PCDHA3: variants seen among roughly 807,000 people sequenced by gnomAD.
PCDHA3 encodes protocadherin alpha-3.
In PCDHA3, 41 loss-of-function variants were observed where a neutral mutation model predicts 62.2. That is an observed-to-expected ratio of 0.66 (90% CI 0.51 to 0.86). The LOEUF is 0.86. Ranked by LOEUF, PCDHA3 falls within the 40% of genes least tolerant of loss-of-function variation. The probability of loss-of-function intolerance (pLI) is 0.00; values close to 1 mark genes in which losing one functional copy is unlikely to be tolerated. For synonymous variants in PCDHA3, 640 were observed against 555.4 expected (o/e 1.15, Z -2.14); for missense variants, 1,304 against 1,241.2 (o/e 1.05, Z -0.76).
intron 1 of PCDHA3, chr5:140,805,635 A>T: frequency 2.3e-6 from 2 of 879,338 alleles, no homozygotes; most frequent in Non-Finnish European, 2.7e-6. Context: ...ATTGTGGTTT[A>T]TTTATTGGGA....
chr5:140,863,011 C>T (rs782711409), intron 1 of PCDHA3: 2 of 552,132 alleles, frequency 3.6e-6, no homozygotes, highest in Admixed American at 1.9e-5. Flanking sequence ...CCAGCTATGA[C>T]GCCTGGTTGT....
intron 1 of PCDHA3, chr5:140,836,388 CTGG>C (rs2150259594): frequency 6.8e-6 from 11 of 1,613,628 alleles, no homozygotes; most frequent in Non-Finnish European, 9.3e-6. Context: ...GCTGGTGTCG[CTGG>C]TGGAAAGCGG....
At chr5:140,850,216 A>G (rs1390676090) in intron 1 of PCDHA3, 5 of 1,593,446 alleles carry the variant, frequency 3.1e-6, no homozygotes, top group Non-Finnish European at 4.3e-6. Flanking sequence ...AGGGGCACTG[A>G]CGGCGCAGTG....
chr5:140,871,573 T>A (rs1554165748), intron 1 of PCDHA3: 1 of 1,477,842 alleles, frequency 6.8e-7, no homozygotes, highest in Non-Finnish European at 9.0e-7. Flanking sequence ...ACGGATTTTT[T>A]AAGGGAAAGT....
At chr5:140,842,099 A>G (rs1554138785) in intron 1 of PCDHA3, 1 of 1,613,876 alleles carries the variant, frequency 6.2e-7, no homozygotes, top group Non-Finnish European at 8.5e-7. Flanking sequence ...CAACGGAACA[A>G]CAGTTATCAA....
At chr5:140,934,258 A>G (rs2089731137) in intron 1 of PCDHA3, among the ~76,000 whole-genome samples, 1 of 152,140 alleles carries the variant, frequency 6.6e-6, no homozygotes, top group Non-Finnish European at 1.5e-5. Flanking sequence ...ATCAAAATTA[A>G]TAATAATCAG....
intron 1 of PCDHA3, among the ~76,000 whole-genome samples, chr5:140,960,541 C>G (rs1200507322): frequency 6.6e-6 from 1 of 151,924 alleles, no homozygotes; most frequent in African/African-American, 2.4e-5. Context: ...GAAACTGTGG[C>G]CTTCATATAG....
At chr5:140,839,656 G>A (rs2150299542) in intron 1 of PCDHA3, among the ~76,000 whole-genome samples, 4 of 152,154 alleles carry the variant, frequency 2.6e-5, no homozygotes, top group Admixed American at 1.3e-4. Context: ...CAAATTGTTT[G>A]CTACTATTTA....
intron 1 of PCDHA3, chr5:140,842,575 G>T (rs782407336): frequency 1.3e-6 from 2 of 1,509,128 alleles, no homozygotes; most frequent in East Asian, 4.6e-5. Flanking sequence ...GCGAGAGAGT[G>T]TCGGCCTATG....
intron 1 of PCDHA3, among the ~76,000 whole-genome samples, chr5:140,872,606 A>AT (rs1302987061): frequency 6.6e-6 from 1 of 151,888 alleles, no homozygotes; most frequent in Non-Finnish European, 1.5e-5. Context: ...TGAAAAAATA[A>AT]TTTTTTTTGC....
intron 1 of PCDHA3, among the ~76,000 whole-genome samples, chr5:140,900,589 C>T (rs782244593): frequency 1.5e-4 from 23 of 152,164 alleles, no homozygotes; most frequent in South Asian, 1.2e-3. Flanking sequence ...TTTCTTTACC[C>T]GTTCATCTGA....
At chr5:140,956,454 A>G (rs1276644004) in intron 1 of PCDHA3, among the ~76,000 whole-genome samples, 1 of 152,212 alleles carries the variant, frequency 6.6e-6, no homozygotes, top group African/African-American at 2.4e-5. Flanking sequence ...AATTACATTT[A>G]TTGATTTGCA....
chr5:140,824,610 G>GTTGTTTTTTT (rs1768193318), intron 1 of PCDHA3: 1 of 95,112 alleles, frequency 1.1e-5, no homozygotes, highest in African/African-American at 4.9e-5. Flanking sequence ...GCTAATTAAA[G>GTTGTTTTTTT]TTTTTTTTTT....
chr5:140,917,777 T>C (rs913092177), intron 1 of PCDHA3, among the ~76,000 whole-genome samples: 7 of 152,214 alleles, frequency 4.6e-5, no homozygotes, highest in Non-Finnish European at 1.0e-4. Context: ...ATTAGTACCA[T>C]GTTGTTTTGG....
intron 1 of PCDHA3, among the ~76,000 whole-genome samples, chr5:140,962,475 T>C (rs772721001): frequency 2.0e-5 from 3 of 152,232 alleles, no homozygotes; most frequent in Non-Finnish European, 4.4e-5. Context: ...TCTCTTTGTT[T>C]ATTCTAAGCA....
At chr5:140,895,292 C>T (rs1032250917) in intron 1 of PCDHA3, among the ~76,000 whole-genome samples, 11 of 152,044 alleles carry the variant, frequency 7.2e-5, no homozygotes, top group Non-Finnish European at 1.2e-4. Flanking sequence ...TTAGGACCTT[C>T]GATTTCCCCC....
In PCDHA3 at chr5:140,822,727, A is replaced by C. The variant is rs17844292; in HGVS notation, c.2394+19136A>C. 23 of 1,612,342 alleles carry C rather than the reference A, an allele frequency of 1.4e-5. No homozygotes were observed. In the East Asian group the frequency reaches 4.9e-4, roughly 34 times the overall value. On this transcript the variant is annotated intron_variant, in intron 1 of 3. Transcript: ENST00000522353. ...TGAAGACTATAACTCATATGAAATTAATATTGATGCCATGGATAAAAGTAC... is the reference window on the plus strand; with the variant it reads ...TGAAGACTATAACTCATATGAAATTCATATTGATGCCATGGATAAAAGTAC...
At chr5:140,865,173 T>C (rs1230117656) in intron 1 of PCDHA3, 1 of 152,234 alleles carries the variant, frequency 6.6e-6, no homozygotes, top group African/African-American at 2.4e-5. Context: ...TGATGCAAAA[T>C]ATTTTTTGCC....
intron 1 of PCDHA3, among the ~76,000 whole-genome samples, chr5:140,931,196 A>T (rs1279027493): frequency 1.3e-5 from 2 of 152,182 alleles, no homozygotes; most frequent in Non-Finnish European, 2.9e-5. Flanking sequence ...GTGCACTACA[A>T]TGCTAGTATT....
Sources: allele counts gnomAD v4.1 joint callset (sites outside exome capture counted in the v4.1 genomes callset), GRCh38; gene constraint gnomAD v4.1.1; transcripts MANE v1.5; gene names NCBI Gene and HGNC (gene_info 2026-07-23, HGNC 2026-07-21).